The following VCL variants were observed in gnomAD, a reference collection of about 807,000 sequenced individuals.
The protein encoded by VCL is vinculin, also known as epididymis luminal protein 114.
Under a neutral mutation model 125.7 loss-of-function variants are expected in VCL, and 47 were observed. The ratio of observed to expected loss-of-function variants is 0.37; its 90% CI spans 0.30 to 0.48. The LOEUF is 0.48. Ranked by LOEUF, VCL falls within the 20% of genes least tolerant of loss-of-function variation. The pLI is 0.99. For synonymous variants in VCL, 458 were observed against 514.6 expected (o/e 0.89, Z 1.49); for missense variants, 1,069 against 1,455.5 (o/e 0.73, Z 4.32).
intron 1 of VCL, among the ~76,000 whole-genome samples, chr10:74,033,662 C>T (rs1840923046): frequency 6.6e-6 from 1 of 152,150 alleles, no homozygotes; most frequent in African/African-American, 2.4e-5. Context: ...CATTCATTAT[C>T]CATGGCTTTT....
chr10:74,094,442 A>G lies in VCL; in HGVS notation c.1524A>G (p.Thr508=). ...EQAQRWIDNP[T]VDDRGVGQAA... is the part of the protein sequence containing the mutation. ...CACAGCGGTGGATTGATAATCCCAC[A>G]GTGGATGACCGTGGAGTCGGTAAGG... Residue 508 remains threonine, a synonymous_variant, in exon 11 of 22, where the codon ACA becomes ACG. Transcript: ENST00000211998. 6.2e-7 allele frequency: 1 copy of G among 1,614,088 alleles called. No homozygotes were observed. Among genetic ancestry groups the G allele is most frequent in the Non-Finnish European group, 8.5e-7 (1 of 1,179,974 alleles).
intron 6 of VCL, 127 bp downstream of exon 6, chr10:74,075,030 G>C (rs1336525582): frequency 8.2e-7 from 1 of 1,218,366 alleles, no homozygotes; most frequent in Non-Finnish European, 1.2e-6. Context: ...TATTGTGAAA[G>C]TAATTTCTTC....
intron 11 of VCL, 100 bp downstream of exon 11, chr10:74,094,561 T>C: frequency 7.3e-7 from 1 of 1,365,686 alleles, no homozygotes; most frequent in Non-Finnish European, 1.0e-6. Flanking sequence ...AGGTAAGGGT[T>C]CTTTAGCTGC....
intron 12 of VCL, 90 bp downstream of exon 12, chr10:74,095,945 A>T: frequency 6.9e-7 from 1 of 1,457,742 alleles, no homozygotes; most frequent in Admixed American, 1.9e-5. Flanking sequence ...AAAAATACAT[A>T]ATTTCTGGGG....
chr10:74,116,098 TAA>T (rs1044914556), intron 21 of VCL, among the ~76,000 whole-genome samples: 3 of 152,154 alleles, frequency 2.0e-5, no homozygotes, highest in Non-Finnish European at 2.9e-5. Context: ...TTTAAAAAAT[TAA>T]GAGACACAAT....
At chr10:74,094,597 C>A in intron 11 of VCL, 136 bp downstream of exon 11, 1 of 1,110,182 alleles carries the variant, frequency 9.0e-7, no homozygotes, top group Non-Finnish European at 1.3e-6. Context: ...ATTCCATTTC[C>A]AAATGCAGCC....
At position 74,095,756 on chromosome 10, in the gene VCL, G is replaced by A. The variant is rs755868550; in HGVS notation, c.1644G>A (p.Val548=). ...ATCTTCTCGCCAAGTGTGACCGAGTGGACCAGCTGACAGCCCAGCTGGCTG... is the reference window on the plus strand; with the variant it reads ...ATCTTCTCGCCAAGTGTGACCGAGTAGACCAGCTGACAGCCCAGCTGGCTG... ...RQDLLAKCDR[V]DQLTAQLADL... The change falls in exon 12 of 22, where the codon GTG becomes GTA. Residue 548 remains valine, a synonymous_variant. Transcript: ENST00000211998. The A allele has an allele frequency of 6.2e-7, 1 of 1,614,230 alleles. No individual in the cohort carries two copies. Among genetic ancestry groups the A allele is most frequent in the Admixed American group, 1.7e-5 (1 of 60,030 alleles).
intron 15 of VCL, 38 bp downstream of exon 15, chr10:74,103,966 G>T: frequency 6.3e-7 from 1 of 1,594,856 alleles, no homozygotes; most frequent in Non-Finnish European, 8.6e-7. Context: ...TCTAATCCAT[G>T]AAGAATGAGT....
At chr10:74,053,217 A>G (rs996045282) in intron 2 of VCL, among the ~76,000 whole-genome samples, 2 of 152,106 alleles carry the variant, frequency 1.3e-5, no homozygotes, top group Non-Finnish European at 2.9e-5. Context: ...TTTGGGAGGA[A>G]GAGATATGAC....
chr10:74,080,006 A>G (rs1316610568), intron 6 of VCL, among the ~76,000 whole-genome samples: 2 of 152,164 alleles, frequency 1.3e-5, no homozygotes, highest in Admixed American at 6.5e-5. Flanking sequence ...TGAGCAGTAA[A>G]TTACTCACTT....
chr10:74,090,894 A>C (rs1169256128), intron 10 of VCL, among the ~76,000 whole-genome samples: 1 of 151,846 alleles, frequency 6.6e-6, no homozygotes, highest in Admixed American at 6.6e-5. Context: ...TTGAACTCCC[A>C]GGCTCAAGCC....
At chr10:74,059,650 C>G (rs747254521) in intron 2 of VCL, among the ~76,000 whole-genome samples, 8 of 152,074 alleles carry the variant, frequency 5.3e-5, no homozygotes, top group Non-Finnish European at 1.0e-4. Context: ...TGTGATCTGC[C>G]TGCCTTGGCC....
intron 6 of VCL, among the ~76,000 whole-genome samples, chr10:74,079,994 A>T (rs1264176222): frequency 2.0e-5 from 3 of 152,184 alleles, no homozygotes; most frequent in African/African-American, 7.2e-5. Context: ...CACACCTCCC[A>T]CTGAGCAGTA....
chr10:74,020,073 A>AG (rs1199240942), intron 1 of VCL, among the ~76,000 whole-genome samples: 2 of 152,134 alleles, frequency 1.3e-5, no homozygotes, highest in African/African-American at 4.8e-5. Context: ...CAAAAAAAAA[A>AG]AAAGAAAAAA....
Position 74,082,475 on chromosome 10 carries a change from G to A in VCL, c.805G>A (p.Ala269Thr). ...ASKDTEAMKR[A>T]LASIDSKLNQ... Reference sequence around the variant, plus strand: ...AAAGGACACTGAAGCCATGAAGAGAGCATTGGCCTCCATAGACTCCAAACT... The same window carrying A: ...AAAGGACACTGAAGCCATGAAGAGAACATTGGCCTCCATAGACTCCAAACT... Residue 269 changes from alanine (A) to threonine (T), a missense_variant, in exon 7 of 22, where the codon GCA becomes ACA. Around this residue, in one of 6 missense-constraint regions of VCL, gnomAD observed 760 missense variants for 928.9 expected, o/e 0.82. Coordinates refer to ENST00000211998, the MANE Select transcript of VCL (RefSeq NM_014000.3). 1 of 1,614,144 alleles carries A rather than the reference G, an allele frequency of 6.2e-7. No individual in the cohort carries two copies. Among genetic ancestry groups the A allele is most frequent in the Non-Finnish European group, 8.5e-7 (1 of 1,180,014 alleles).
chr10:74,019,124 A>C (rs917078336), intron 1 of VCL, among the ~76,000 whole-genome samples: 7 of 152,238 alleles, frequency 4.6e-5, no homozygotes, highest in African/African-American at 1.7e-4. Flanking sequence ...CATGGCAAAG[A>C]ATGACACAAA....
intron 1 of VCL, among the ~76,000 whole-genome samples, chr10:74,041,441 A>G (rs1038469624): frequency 1.3e-5 from 2 of 152,228 alleles, no homozygotes; most frequent in African/African-American, 4.8e-5. Context: ...AAGAAAGTGA[A>G]TATGTGTATG....
At chr10:74,086,006 T>TA (rs1839763692) in intron 8 of VCL, among the ~76,000 whole-genome samples, 1 of 152,156 alleles carries the variant, frequency 6.6e-6, no homozygotes, top group Non-Finnish European at 1.5e-5. Context: ...TACCTGGGAT[T>TA]ACAGGCATGC....
chr10:74,114,998 T>C (rs1346463429), intron 21 of VCL, 99 bp downstream of exon 21: 6 of 1,130,338 alleles, frequency 5.3e-6, no homozygotes, highest in South Asian at 2.7e-5. Flanking sequence ...TAATTGAGTA[T>C]CGAGTATTCA....
Sources: gnomAD v4.1 joint callset for allele counts (sites outside exome capture counted in the v4.1 genomes callset) on GRCh38, gnomAD v4.1.1 for gene constraint, gnomAD v4.1.1 regional missense constraint, MANE v1.5 for transcripts, NCBI Gene and HGNC (gene_info 2026-07-23, HGNC 2026-07-21) for gene names.